The following BMP2 variants were observed in gnomAD, a reference collection of about 807,000 sequenced individuals.
The protein encoded by BMP2 is bone morphogenetic protein 2A.
BMP2 carries 2 observed loss-of-function variants against 28.8 expected under a neutral mutation model. The ratio of observed to expected loss-of-function variants is 0.07; its 90% confidence interval spans 0.03 to 0.22. BMP2 has a LOEUF of 0.22. BMP2 is among the 10% of genes least tolerant of loss of function. BMP2 has a pLI of 1.00. For missense variants in BMP2, 437 were observed against 517.7 expected, an observed-to-expected ratio of 0.84 and a Z score of 1.51; for synonymous variants, 218 against 204.3, an observed-to-expected ratio of 1.07 and a Z score of -0.57.
Position 6,779,498 on chromosome 20 carries a change from G to A in BMP2, c.*409G>A, listed in dbSNP as rs944410561. 6.6e-6 allele frequency: 1 copy of A among 152,534 alleles called. No homozygotes were observed. Among genetic ancestry groups the A allele is most frequent in the African/African-American group, 2.4e-5 (1 of 41,406 alleles). 9.4% of individuals were successfully genotyped at this position (152,534 alleles called of 1,614,324 possible). ...GTTTGTACATAATTTTCCAAAAATTGTAGTTGTTTTCAGTTGTGTGTATTT... is the reference window on the plus strand; with the variant it reads ...GTTTGTACATAATTTTCCAAAAATTATAGTTGTTTTCAGTTGTGTGTATTT... On this transcript the variant is annotated 3_prime_UTR_variant, in exon 3 of 3. Coordinates refer to ENST00000378827, the MANE Select transcript of BMP2 (RefSeq NM_001200.4).
chr20:6,770,188 C>T lies in BMP2; in HGVS notation c.62C>T (p.Ala21Val). ...LLLPQVLLGGAAGLVPELGRR... is the reference protein window; with the variant it reads ...LLLPQVLLGGVAGLVPELGRR... ...CTTCCCCAGGTCCTCCTGGGCGGCG[C>T]GGCTGGCCTCGTTCCGGAGCTGGGC... The change falls in exon 2 of 3, where the codon GCG becomes GTG. Residue 21 changes from alanine to valine, a missense_variant. Ala to Val is a moderately conservative substitution (Grantham distance 64). Transcript: ENST00000378827. 6.3e-7 allele frequency: 1 copy of T among 1,583,920 alleles called. No homozygotes were observed. Among genetic ancestry groups the T allele is most frequent in the Non-Finnish European group, 8.6e-7 (1 of 1,165,900 alleles).
In BMP2 at chr20:6,770,312, C is replaced by T. The variant is rs1304149314; in HGVS notation, c.186C>T (p.Gly62=). ...AGTTGCGGCTGCTCAGCATGTTCGGCCTGAAACAGAGACCCACCCCCAGCA... is the reference window on the plus strand; with the variant it reads ...AGTTGCGGCTGCTCAGCATGTTCGGTCTGAAACAGAGACCCACCCCCAGCA... ...EFELRLLSMF[G]LKQRPTPSRD... The change falls in exon 2 of 3, where the codon GGC becomes GGT. Residue 62 remains glycine, a synonymous_variant. Coordinates refer to ENST00000378827, the MANE Select transcript of BMP2 (RefSeq NM_001200.4). The T allele has an allele frequency of 4.3e-6, 7 of 1,613,362 alleles. No individual in the cohort carries two copies. The highest frequency in any genetic ancestry group is 5.9e-6 in the Non-Finnish European group (7 of 1,179,944).
At chr20:6,776,699 C>T (rs1986506994) in intron 2 of BMP2, among the ~76,000 whole-genome samples, 1 of 152,224 alleles carries the variant, frequency 6.6e-6, no homozygotes. Context: ...GTTTGAAAAG[C>T]ACTGCATTAA....
Position 6,779,157 on chromosome 20 carries a change from A to C in BMP2, c.*68A>C. 5.0e-6 allele frequency: 4 copies of C among 794,730 alleles called. No homozygotes were observed. The highest frequency in any genetic ancestry group is 4.6e-5 in the Admixed American group (1 of 21,552). The allele number at this position is 794,730 out of a possible 1,614,324, so 49.2% of individuals were successfully genotyped here. On this transcript the variant is annotated 3_prime_UTR_variant, in exon 3 of 3. Coordinates refer to ENST00000378827, the MANE Select transcript of BMP2 (RefSeq NM_001200.4). ...TTTAGAAAAAAGAAAAAAACAAACA[A>C]ACAAAAAAACCCCACCCCAGTTGAC...
At chr20:6,777,156 A>G (rs1600172659) in intron 2 of BMP2, among the ~76,000 whole-genome samples, 1 of 152,166 alleles carries the variant, frequency 6.6e-6, no homozygotes, top group Non-Finnish European at 1.5e-5. Flanking sequence ...GCTGTGTTAT[A>G]TATTACTTGC....
At chr20:6,770,030 C>T (rs891128844) in intron 1 of BMP2, 90 bp from the exon 2 acceptor site, 12 of 1,351,168 alleles carry the variant, frequency 8.9e-6, no homozygotes, top group Middle Eastern at 2.3e-4. Flanking sequence ...GGAGGAGGCA[C>T]GCCAGCCAAA....
In BMP2 at chr20:6,778,686, T is replaced by C. The variant is rs199628088; in HGVS notation, c.788T>C (p.Leu263Ser). ...CACAGCTGGTCACAGATAAGGCCAT[T>C]GCTAGTAACTTTTGGCCATGATGGA... Reference protein sequence around the residue: ...DEHSWSQIRPLLVTFGHDGKG... With the variant: ...DEHSWSQIRPSLVTFGHDGKG... Residue 263 changes from leucine to serine, a missense_variant, in exon 3 of 3, where the codon TTG becomes TCG. Transcript: ENST00000378827. The surrounding 1 kb of genome is among the most constrained non-coding windows in gnomAD (Gnocchi z 5.0). The C allele has an allele frequency of 8.1e-6, 13 of 1,614,100 alleles. No individual in the cohort carries two copies. The East Asian group carries it at 2.9e-4, about 36-fold the overall frequency.
chr20:6,770,328 A>C lies in BMP2; in HGVS notation c.202A>C (p.Thr68Pro). 6.2e-7 allele frequency: 1 copy of C among 1,613,166 alleles called. No homozygotes were observed. ...LSMFGLKQRP[T>P]PSRDAVVPPY... ...CATGTTCGGCCTGAAACAGAGACCCACCCCCAGCAGGGACGCCGTGGTGCC... is the reference window on the plus strand; with the variant it reads ...CATGTTCGGCCTGAAACAGAGACCCCCCCCCAGCAGGGACGCCGTGGTGCC... The change falls in exon 2 of 3, where the codon ACC becomes CCC. Residue 68 changes from threonine to proline, a missense_variant. Transcript: ENST00000378827.
At chr20:6,775,273 A>G (rs1229340729) in intron 2 of BMP2, among the ~76,000 whole-genome samples, 1 of 152,164 alleles carries the variant, frequency 6.6e-6, no homozygotes, top group African/African-American at 2.4e-5. Flanking sequence ...CCCTTAAGAA[A>G]AGATTCGTAC....
rs746552359 is a variant in BMP2 at position 6,778,235 on chromosome 20, A to G, written c.347-10A>G. ...TCTTTTTTCTTCCCTGTTTTTCTCT[A>G]TCAAATTAGAATCTTTGGAAGAACT... On this transcript the variant is annotated splice_polypyrimidine_tract_variant and intron_variant, in intron 2 of 2. Transcript: ENST00000378827. The surrounding 1 kb of genome is among the most constrained non-coding windows in gnomAD (Gnocchi z 5.0). 2.6e-6 allele frequency: 4 copies of G among 1,563,414 alleles called. No homozygotes were observed. The highest frequency in any genetic ancestry group is 3.4e-6 in the Non-Finnish European group (4 of 1,159,746).
chr20:6,768,032 G>A lies in BMP2; in HGVS notation c.-851G>A. The A allele has an allele frequency of 2.5e-6, 1 of 398,160 alleles. No individual in the cohort carries two copies. The highest frequency in any genetic ancestry group is 3.6e-5 in the East Asian group (1 of 28,012). 24.7% of individuals were successfully genotyped at this position (398,160 alleles called of 1,614,324 possible). On this transcript the variant is annotated 5_prime_UTR_variant, in exon 1 of 3. Coordinates refer to ENST00000378827, the MANE Select transcript of BMP2 (RefSeq NM_001200.4). ...CCGATCCCTAGCGCCGCGATGCGGA[G>A]CACCTACTGCAGGAGATCGGGGGCC...
Position 6,771,785 on chromosome 20 carries a change from C to A in BMP2, c.346+1313C>A, listed in dbSNP as rs147263345. 5.4e-3 allele frequency among the ~76,000 whole-genome samples: 822 copies of A among 152,254 alleles called. 6 individuals are homozygous for A. Among genetic ancestry groups the A allele is most frequent in the Non-Finnish European group, 8.4e-3 (572 of 68,004 alleles). ...TGAGGTGCTCTCTGCTAGCAGAAAT[C>A]AGATTTGAAAGGCAGTAAGATCTCA... On this transcript the variant is annotated intron_variant, in intron 2 of 2. Coordinates refer to ENST00000378827, the MANE Select transcript of BMP2 (RefSeq NM_001200.4).
chr20:6,770,094 G>A (rs1445614931), intron 1 of BMP2, 26 bp from the exon 2 acceptor site: 5 of 1,505,116 alleles, frequency 3.3e-6, no homozygotes, highest in Middle Eastern at 1.8e-4. Context: ...GGGAACTCGG[G>A]TGACTCACGT....
chr20:6,769,792 C>G (rs546175903), intron 1 of BMP2, among the ~76,000 whole-genome samples: 4 of 152,014 alleles, frequency 2.6e-5, no homozygotes, highest in Non-Finnish European at 5.9e-5. Context: ...CCCAGGTTCC[C>G]GGCATTGGCT....
At chr20:6,770,511 C>T (rs1424770093) in intron 2 of BMP2, 39 bp downstream of exon 2, 9 of 1,534,328 alleles carry the variant, frequency 5.9e-6, no homozygotes, top group Non-Finnish European at 7.9e-6. Flanking sequence ...GGGAGTCACC[C>T]TGCAAAGCCC....
At chr20:6,777,430 A>G (rs1986522448) in intron 2 of BMP2, among the ~76,000 whole-genome samples, 1 of 152,052 alleles carries the variant, frequency 6.6e-6, no homozygotes, top group South Asian at 2.1e-4. Context: ...TATCTTTCAA[A>G]ACTATAAAGG....
At chr20:6,777,202 A>G (rs1208233052) in intron 2 of BMP2, among the ~76,000 whole-genome samples, 1 of 152,196 alleles carries the variant, frequency 6.6e-6, no homozygotes, top group Non-Finnish European at 1.5e-5. Flanking sequence ...TGAAATTCAG[A>G]AATTTTAAAT....
chr20:6,773,148 C>G (rs554124579), intron 2 of BMP2, among the ~76,000 whole-genome samples: 25 of 152,220 alleles, frequency 1.6e-4, no homozygotes, highest in Non-Finnish European at 1.6e-4. Context: ...TTATTTGCCT[C>G]TGTGACTGAA....
rs1016583841 is a variant in BMP2, at chr20:6,768,719, G to A, written c.-164G>A. 4 of 397,306 alleles carry A rather than the reference G, an allele frequency of 1.0e-5. No individual in the cohort carries two copies. Among genetic ancestry groups the A allele is most frequent in the Admixed American group, 4.4e-5 (1 of 22,682 alleles). 24.6% of individuals were successfully genotyped at this position (397,306 alleles called of 1,614,324 possible). On this transcript the variant is annotated 5_prime_UTR_variant, in exon 1 of 3. Transcript: ENST00000378827. ...ACGCTGTTCCCAGCGTGAAAAGAGAGACTGCGCGGCCGGCACCCGGGAGAA... is the reference window on the plus strand; with the variant it reads ...ACGCTGTTCCCAGCGTGAAAAGAGAAACTGCGCGGCCGGCACCCGGGAGAA...
Sources: gnomAD v4.1 joint callset for allele counts (sites outside exome capture counted in the v4.1 genomes callset) on GRCh38, gnomAD v4.1.1 for gene constraint, Gnocchi (gnomAD v3.1) non-coding constraint, MANE v1.5 for transcripts, NCBI Gene and HGNC (gene_info 2026-07-23, HGNC 2026-07-21) for gene names.